The following DENND1A variants were observed in gnomAD, a reference collection of about 807,000 sequenced individuals.
The protein encoded by DENND1A is DENN domain-containing protein 1A.
A neutral mutation model predicts 113.7 loss-of-function variants in DENND1A; 51 were observed. The ratio of observed to expected loss-of-function variants is 0.45; its 90% confidence interval spans 0.36 to 0.57. DENND1A has a LOEUF of 0.57. Ranked by LOEUF, DENND1A falls within the 20% of genes least tolerant of loss-of-function variation. DENND1A has a pLI of 0.00. For synonymous variants in DENND1A, 565 were observed against 570.8 expected, an observed-to-expected ratio of 0.99 and a Z score of 0.14; for missense variants, 1,258 against 1,395.9, an observed-to-expected ratio of 0.90 and a Z score of 1.57.
intron 13 of DENND1A, among the ~76,000 whole-genome samples, chr9:123,514,358 G>A (rs572848136): frequency 6.6e-6 from 1 of 152,054 alleles, no homozygotes; most frequent in South Asian, 2.1e-4. Context: ...GAGTGGAGGT[G>A]GTGGGTTGGC....
At chr9:123,755,938 T>A (rs894075525) in intron 5 of DENND1A, among the ~76,000 whole-genome samples, 2 of 152,178 alleles carry the variant, frequency 1.3e-5, no homozygotes, top group African/African-American at 4.8e-5. Context: ...GAGATGGAGT[T>A]TCGCTCTTGT....
intron 2 of DENND1A, among the ~76,000 whole-genome samples, chr9:123,849,887 T>C (rs1233439715): frequency 6.6e-6 from 1 of 152,180 alleles, no homozygotes; most frequent in Non-Finnish European, 1.5e-5. Context: ...GCAGATGTGA[T>C]AGAAGCTACA....
At chr9:123,705,078 A>G (rs890823135) in intron 5 of DENND1A, among the ~76,000 whole-genome samples, 1 of 151,862 alleles carries the variant, frequency 6.6e-6, no homozygotes, top group Non-Finnish European at 1.5e-5. Context: ...TAAAAAAAAA[A>G]AACAAACAAA....
intron 1 of DENND1A, among the ~76,000 whole-genome samples, chr9:123,923,551 G>A (rs1856629159): frequency 6.6e-6 from 1 of 152,186 alleles, no homozygotes; most frequent in Non-Finnish European, 1.5e-5. Flanking sequence ...TCAAGAAAAA[G>A]CAAACTTTTT....
At chr9:123,402,144 G>A (rs898866734) in intron 21 of DENND1A, among the ~76,000 whole-genome samples, 7 of 152,198 alleles carry the variant, frequency 4.6e-5, no homozygotes, top group Non-Finnish European at 2.9e-5. Flanking sequence ...TTCCCACCAG[G>A]CTATTGTGCA....
rs1270710526 is a variant in DENND1A at position 123,570,982 on chromosome 9, T to C, written c.867+12187A>G. ...TGCCATATTTTTCCTCCAAAATCCA[T>C]AGCTAGGGAACAATGCAATATTGTC... On this transcript the variant is annotated intron_variant, in intron 12 of 23. Transcript: ENST00000394215. Among the ~76,000 whole-genome samples the C allele has an allele frequency of 3.9e-5, 6 of 152,130 alleles. No individual in the cohort carries two copies. The East Asian group carries it at 1.2e-3, about 29-fold the overall frequency.
chr9:123,719,689 G>T (rs993826516), intron 5 of DENND1A, among the ~76,000 whole-genome samples: 6 of 151,982 alleles, frequency 3.9e-5, no homozygotes, highest in African/African-American at 1.5e-4. Context: ...TAATCCTGAG[G>T]ATGGGACCCA....
At position 123,666,969 on chromosome 9, in the gene DENND1A, T is replaced by C. The variant is rs765576589; in HGVS notation, c.507+57A>G. 30 of 1,446,164 alleles carry C rather than the reference T, an allele frequency of 2.1e-5. No individual in the cohort carries two copies. The African/African-American group carries it at 2.3e-4, about 11-fold the overall frequency. 89.6% of individuals were successfully genotyped at this position (1,446,164 alleles called of 1,614,324 possible). A position where few individuals can be genotyped will look rare whatever the true frequency, so the allele number is the denominator to read the frequency against. ...CACATCCTTTATTTATTCAAACAAA[T>C]AGGCAGAAAACAGAGAAGAATAAAA... On this transcript the variant is annotated intron_variant, in intron 8 of 23. Coordinates refer to ENST00000394215, the MANE Select transcript of DENND1A (RefSeq NM_001352964.2).
At chr9:123,636,273 C>T (rs990649372) in intron 9 of DENND1A, among the ~76,000 whole-genome samples, 3 of 152,004 alleles carry the variant, frequency 2.0e-5, no homozygotes, top group African/African-American at 2.4e-5. Flanking sequence ...AGGAACACGA[C>T]GGCTATGGAT....
chr9:123,816,804 ATTGAAAGGG>A (rs1401655923), intron 2 of DENND1A, among the ~76,000 whole-genome samples: 1 of 152,210 alleles, frequency 6.6e-6, no homozygotes, highest in Non-Finnish European at 1.5e-5. Flanking sequence ...CAAAAACTAC[ATTGAAAGGG>A]TTAAAGGAAC....
At chr9:123,389,621 T>C (rs2042738880) in intron 21 of DENND1A, among the ~76,000 whole-genome samples, 1 of 152,254 alleles carries the variant, frequency 6.6e-6, no homozygotes, top group African/African-American at 2.4e-5. Flanking sequence ...CTTGTCACTC[T>C]CCTGCTAAAA....
At position 123,382,460 on chromosome 9, in the gene DENND1A, G is replaced by A; in HGVS notation, c.2185C>T (p.Leu729=). ...EKPSALLGNS[L]ALPRRPQNRD... ...TTCTGGGGCCTTCGAGGCAGGGCCA[G>A]GGAGTTTCCGAGCAGGGCTGAGGGC... The change falls in exon 24 of 24, where the codon CTG becomes TTG. Residue 729 remains leucine, a synonymous_variant. Coordinates refer to ENST00000394215, the MANE Select transcript of DENND1A (RefSeq NM_001352964.2). The A allele has an allele frequency of 6.2e-7, 1 of 1,613,158 alleles. No homozygotes were observed. The highest frequency in any genetic ancestry group is 8.5e-7 in the Non-Finnish European group (1 of 1,179,610).
At chr9:123,558,740 T>G (rs1199050121) in intron 12 of DENND1A, among the ~76,000 whole-genome samples, 1 of 152,242 alleles carries the variant, frequency 6.6e-6, no homozygotes, top group Non-Finnish European at 1.5e-5. Flanking sequence ...ATTTCTAACA[T>G]GCCCTTCATT....
intron 2 of DENND1A, among the ~76,000 whole-genome samples, chr9:123,849,256 T>C (rs1345283602): frequency 6.6e-6 from 1 of 152,214 alleles, no homozygotes. Flanking sequence ...CTGGTGACTT[T>C]AAATTCAAAC....
intron 10 of DENND1A, among the ~76,000 whole-genome samples, chr9:123,619,211 C>T (rs1239386821): frequency 3.9e-5 from 6 of 152,012 alleles, no homozygotes; most frequent in African/African-American, 9.7e-5. Flanking sequence ...CCTCCCAAAG[C>T]GCTGGGATTA....
chr9:123,709,894 T>C (rs950399870), intron 5 of DENND1A, among the ~76,000 whole-genome samples: 10 of 152,236 alleles, frequency 6.6e-5, no homozygotes, highest in Non-Finnish European at 1.3e-4. Flanking sequence ...AAAGTTAATA[T>C]TGGTTCGGCA....
At chr9:123,531,169 G>A (rs1234851811) in intron 13 of DENND1A, among the ~76,000 whole-genome samples, 1 of 152,058 alleles carries the variant, frequency 6.6e-6, no homozygotes, top group Non-Finnish European at 1.5e-5. Context: ...GAAAGCAAAT[G>A]TTTCTTTCCC....
intron 2 of DENND1A, among the ~76,000 whole-genome samples, chr9:123,856,336 T>C (rs1009572025): frequency 3.3e-5 from 5 of 152,000 alleles, no homozygotes; most frequent in African/African-American, 1.2e-4. Context: ...GCCCACACTG[T>C]CTAGAGTAAT....
intron 5 of DENND1A, among the ~76,000 whole-genome samples, chr9:123,711,611 A>C (rs2066640826): frequency 6.7e-6 from 1 of 150,074 alleles, no homozygotes; most frequent in South Asian, 2.1e-4. Flanking sequence ...CTAAAGCATA[A>C]CTACCATGTG....
Sources: gnomAD v4.1 joint callset for allele counts (sites outside exome capture counted in the v4.1 genomes callset) on GRCh38, gnomAD v4.1.1 for gene constraint, MANE v1.5 for transcripts, NCBI Gene and HGNC (gene_info 2026-07-23, HGNC 2026-07-21) for gene names.